The following SLC25A13 variants were observed in gnomAD, a reference collection of about 807,000 sequenced individuals.
SLC25A13 encodes the protein solute carrier family 25 member 13, also known as electrogenic aspartate/glutamate antiporter SLC25A13, mitochondrial.
SLC25A13 carries 70 observed loss-of-function variants against 85.5 expected under a neutral mutation model. The observed-to-expected ratio is 0.82, with a 90% CI of 0.68 to 1.00. SLC25A13 has a LOEUF of 1.00. Ranked by LOEUF, SLC25A13 falls within the 50% of genes least tolerant of loss-of-function variation. The pLI is 0.00. For synonymous variants in SLC25A13, 259 were observed against 288.7 expected (o/e 0.90, Z 1.04); for missense variants, 765 against 819.8 (o/e 0.93, Z 0.82).
chr7:96,185,383 A>G (rs1794594824), intron 9 of SLC25A13, among the ~76,000 whole-genome samples: 1 of 148,550 alleles, frequency 6.7e-6, no homozygotes, highest in South Asian at 2.1e-4. Flanking sequence ...GGATTACCTG[A>G]GCACAGGAGT....
chr7:96,278,229 AAAG>A (rs1477133963), intron 2 of SLC25A13, among the ~76,000 whole-genome samples: 2 of 152,150 alleles, frequency 1.3e-5, no homozygotes, highest in Non-Finnish European at 2.9e-5. Context: ...TCCTGGGGAC[AAAG>A]CAGTGGTTTG....
intron 5 of SLC25A13, among the ~76,000 whole-genome samples, chr7:96,202,710 G>A (rs574109348): frequency 3.3e-4 from 50 of 152,268 alleles, no homozygotes; most frequent in Non-Finnish European, 2.6e-4. Flanking sequence ...CAACACCAAA[G>A]AATTGAAAAG....
intron 15 of SLC25A13, among the ~76,000 whole-genome samples, chr7:96,123,854 G>A (rs1178249748): frequency 1.3e-5 from 2 of 152,204 alleles, no homozygotes; most frequent in Non-Finnish European, 2.9e-5. Context: ...AGGGTTGGCA[G>A]GGACGTCTGG....
intron 4 of SLC25A13, among the ~76,000 whole-genome samples, chr7:96,222,229 A>G (rs1796157055): frequency 6.6e-6 from 1 of 152,172 alleles, no homozygotes; most frequent in Admixed American, 6.5e-5. Context: ...TTAAAGGACA[A>G]AAGGTCACTG....
At position 96,171,496 on chromosome 7, in the gene SLC25A13, G is replaced by A. The variant is rs774051691; in HGVS notation, c.1206C>T (p.Ala402=). The A allele has an allele frequency of 1.2e-6, 2 of 1,613,204 alleles. No homozygotes were observed. The highest frequency in any genetic ancestry group is 2.2e-5 in the East Asian group (1 of 44,850). The change falls in exon 12 of 18, where the codon GCC becomes GCT. Residue 402 remains alanine, a synonymous_variant. Coordinates refer to ENST00000265631, the MANE Select transcript of SLC25A13 (RefSeq NM_014251.3). ...CTGTAAGTTTTATGGCCTTCTCTGG[G>A]GCAACTCCCAATAACTGTGGCAACA... ...RGLLPQLLGV[A]PEKAIKLTVN...
At chr7:96,150,866 T>C (rs181556036) in intron 13 of SLC25A13, among the ~76,000 whole-genome samples, 3 of 152,096 alleles carry the variant, frequency 2.0e-5, no homozygotes, top group African/African-American at 7.2e-5. Flanking sequence ...TATAGCAACG[T>C]ACCCAGGGCT....
At chr7:96,276,004 G>C (rs1014980705) in intron 3 of SLC25A13, among the ~76,000 whole-genome samples, 8 of 152,172 alleles carry the variant, frequency 5.3e-5, no homozygotes, top group Non-Finnish European at 1.2e-4. Flanking sequence ...CTGCATGTGG[G>C]AAAATCAGAC....
chr7:96,316,303 T>A (rs1264387324), intron 1 of SLC25A13, among the ~76,000 whole-genome samples: 1 of 152,186 alleles, frequency 6.6e-6, no homozygotes, highest in Non-Finnish European at 1.5e-5. Flanking sequence ...ATAAAAGGTA[T>A]ATGACAATTC....
chr7:96,284,932 T>C (rs1798830757), intron 2 of SLC25A13, among the ~76,000 whole-genome samples: 1 of 152,134 alleles, frequency 6.6e-6, no homozygotes, highest in Non-Finnish European at 1.5e-5. Flanking sequence ...GTACACATCA[T>C]CTCTTTTGCT....
chr7:96,185,589 C>T (rs1483790566), intron 9 of SLC25A13, among the ~76,000 whole-genome samples: 1 of 137,970 alleles, frequency 7.2e-6, no homozygotes, highest in Non-Finnish European at 1.6e-5. Context: ...GAGCAAGACT[C>T]TATCTCAAAA....
chr7:96,246,301 T>G (rs562037721), intron 3 of SLC25A13, among the ~76,000 whole-genome samples: 1 of 152,376 alleles, frequency 6.6e-6, no homozygotes, highest in South Asian at 2.1e-4. Context: ...ATATTACCTA[T>G]GTTTGTTCTC....
At chr7:96,166,612 T>A (rs1445099806) in intron 13 of SLC25A13, among the ~76,000 whole-genome samples, 2 of 152,136 alleles carry the variant, frequency 1.3e-5, no homozygotes, top group African/African-American at 4.8e-5. Flanking sequence ...TATATAAAAG[T>A]CATACACTTA....
intron 4 of SLC25A13, among the ~76,000 whole-genome samples, chr7:96,211,164 C>G (rs1490231245): frequency 6.6e-6 from 1 of 152,126 alleles, no homozygotes; most frequent in African/African-American, 2.4e-5. Context: ...AAACAACAAT[C>G]TTATTTATCT....
intron 11 of SLC25A13, among the ~76,000 whole-genome samples, chr7:96,172,569 A>T (rs1266043315): frequency 6.6e-6 from 1 of 151,794 alleles, no homozygotes; most frequent in Non-Finnish European, 1.5e-5. Flanking sequence ...AAAAAAAAAA[A>T]GATCAATGAA....
At chr7:96,270,504 G>T (rs1452841157) in intron 3 of SLC25A13, among the ~76,000 whole-genome samples, 1 of 151,406 alleles carries the variant, frequency 6.6e-6, no homozygotes, top group Non-Finnish European at 1.5e-5. Flanking sequence ...GCAATGATCT[G>T]AGATCGTGCC....
rs781400809 is a variant in SLC25A13, at chr7:96,191,121, C to T, written c.742G>A (p.Glu248Lys). 1.2e-6 allele frequency: 2 copies of T among 1,614,072 alleles called. No individual in the cohort carries two copies. The highest frequency in any genetic ancestry group is 1.7e-6 in the Non-Finnish European group (2 of 1,180,002). ...STLAGTRKDV[E>K]VTKEEFVLAA... The stretch of plus-strand genomic sequence containing the variant: ...TATTCTCACTCACCCTTAGTCACTT[C>T]AACATCTTTCCTGGTGCCAGCCAGA... Residue 248 changes from glutamate to lysine, a missense_variant, in exon 7 of 18, where the codon GAA becomes AAA. Glu to Lys is a moderately conservative substitution (Grantham distance 56). Coordinates refer to ENST00000265631, the MANE Select transcript of SLC25A13 (RefSeq NM_014251.3).
chr7:96,231,917 G>A (rs1263899988), intron 4 of SLC25A13, among the ~76,000 whole-genome samples: 1 of 152,036 alleles, frequency 6.6e-6, no homozygotes, highest in African/African-American at 2.4e-5. Context: ...TCAAAAAATA[G>A]CTGGTGCTAG....
intron 2 of SLC25A13, among the ~76,000 whole-genome samples, chr7:96,289,979 T>C (rs1039287530): frequency 1.3e-5 from 2 of 151,828 alleles, no homozygotes; most frequent in Non-Finnish European, 2.9e-5. Flanking sequence ...AAAGTTGAAA[T>C]GAAGGAAAAA....
At chr7:96,198,523 A>T (rs1012532028) in intron 5 of SLC25A13, among the ~76,000 whole-genome samples, 1 of 152,154 alleles carries the variant, frequency 6.6e-6, no homozygotes, top group African/African-American at 2.4e-5. Context: ...GCCTCACAAT[A>T]CTTCTGTGAA....
Sources: allele counts gnomAD v4.1 joint callset (sites outside exome capture counted in the v4.1 genomes callset), GRCh38; gene constraint gnomAD v4.1.1; transcripts MANE v1.5; gene names NCBI Gene and HGNC (gene_info 2026-07-23, HGNC 2026-07-21).